The following DENND2A variants were observed in gnomAD, a reference collection of about 807,000 sequenced individuals.
DENND2A encodes the protein DENN domain containing 2A, also known as DENN domain-containing protein 2A.
DENND2A carries 53 observed loss-of-function variants against 105.3 expected under a neutral mutation model. The ratio of observed to expected loss-of-function variants is 0.50; its 90% confidence interval spans 0.40 to 0.63. The LOEUF is 0.63. DENND2A is among the 30% of genes least tolerant of loss of function. The pLI, the probability that DENND2A is intolerant of heterozygous loss-of-function variation, is 0.00. For missense variants in DENND2A, 1,138 were observed against 1,279.6 expected (o/e 0.89, Z 1.69); for synonymous variants, 522 against 508.4 (o/e 1.03, Z -0.36).
In DENND2A at chr7:140,604,114, C is replaced by T. The variant is rs540552619; in HGVS notation, c.-145-1572G>A. 1.6e-4 allele frequency among the ~76,000 whole-genome samples: 24 copies of T among 152,324 alleles called. No individual in the cohort carries two copies. The South Asian group carries it at 1.9e-3, about 12-fold the overall frequency. ...TGTGCCGACATTAGCTAACACCTCA[C>T]GGTGCCCATTTTCTGAATGTATAGA... is the stretch of plus-strand genomic sequence containing the variant. On this transcript the variant is annotated intron_variant, in intron 2 of 19. Transcript: ENST00000496613.
In DENND2A at chr7:140,553,782, C is replaced by G. The variant is rs189489718; in HGVS notation, c.2037+1854G>C. ...TAATCCATTTAACCCTGAGTGGACA[C>G]AGCACGTTTCAGAGAGCACGGCGTT... On this transcript the variant is annotated intron_variant, in intron 12 of 19. Coordinates refer to ENST00000496613, the MANE Select transcript of DENND2A (RefSeq NM_015689.5). Among the ~76,000 whole-genome samples the G allele has an allele frequency of 8.5e-5, 13 of 152,354 alleles. No individual in the cohort carries two copies. The East Asian group carries it at 2.5e-3, about 29-fold the overall frequency.
chr7:140,555,442 G>A lies in DENND2A; in HGVS notation c.2037+194C>T, dbSNP rs528469101. Among the ~76,000 whole-genome samples, 6 of 152,060 alleles carry A rather than the reference G, an allele frequency of 3.9e-5. No homozygotes were observed. The South Asian group carries it at 1.0e-3, about 26-fold the overall frequency. On this transcript the variant is annotated intron_variant, in intron 12 of 19. Coordinates refer to ENST00000496613, the MANE Select transcript of DENND2A (RefSeq NM_015689.5). ...GCATGAGCCACCCCGCCACCACACC[G>A]GGCCTATCAACTCTCATTTCCTGAA...
chr7:140,598,418 G>A (rs1216374281), intron 3 of DENND2A, among the ~76,000 whole-genome samples: 5 of 152,212 alleles, frequency 3.3e-5, no homozygotes, highest in Admixed American at 2.0e-4. Flanking sequence ...AAGACTGTAC[G>A]CTGCTTTCAG....
intron 14 of DENND2A, among the ~76,000 whole-genome samples, chr7:140,540,874 C>A (rs773005061): frequency 1.3e-5 from 2 of 152,092 alleles, no homozygotes; most frequent in African/African-American, 4.8e-5. Flanking sequence ...CACGCCACCA[C>A]GACCAGCTAA....
intron 17 of DENND2A, 64 bp from the exon 18 acceptor site, chr7:140,522,164 A>G: frequency 6.3e-7 from 1 of 1,584,010 alleles, no homozygotes; most frequent in Non-Finnish European, 8.6e-7. Context: ...AGCCCTTGAG[A>G]CAAGCCAATT....
chr7:140,529,018 C>G (rs1001325385), intron 14 of DENND2A, among the ~76,000 whole-genome samples: 2 of 151,262 alleles, frequency 1.3e-5, no homozygotes, highest in East Asian at 3.9e-4. Flanking sequence ...GGTGGGAGAA[C>G]TGCTTGAACC....
At chr7:140,582,775 G>C (rs1798595888) in intron 5 of DENND2A, among the ~76,000 whole-genome samples, 1 of 152,194 alleles carries the variant, frequency 6.6e-6, no homozygotes, top group Non-Finnish European at 1.5e-5. Context: ...GCTTTTCCTA[G>C]GCTGGAAACA....
intron 3 of DENND2A, among the ~76,000 whole-genome samples, chr7:140,595,807 A>G (rs1799261370): frequency 6.7e-6 from 1 of 150,320 alleles, no homozygotes; most frequent in Non-Finnish European, 1.5e-5. Flanking sequence ...CCTAGCGACC[A>G]TTTAAAACAT....
chr7:140,561,843 C>T (rs1032718589), intron 9 of DENND2A, among the ~76,000 whole-genome samples: 1 of 151,816 alleles, frequency 6.6e-6, no homozygotes, highest in East Asian at 1.9e-4. Flanking sequence ...TAATAATTTG[C>T]ATCAATTTCT....
chr7:140,605,331 C>T (rs915358356), intron 2 of DENND2A, among the ~76,000 whole-genome samples: 3 of 152,182 alleles, frequency 2.0e-5, no homozygotes, highest in Non-Finnish European at 2.9e-5. Flanking sequence ...GAAACAATCA[C>T]GCTGGTATTA....
At chr7:140,624,870 T>G (rs1344724150) in intron 1 of DENND2A, among the ~76,000 whole-genome samples, 1 of 147,568 alleles carries the variant, frequency 6.8e-6, no homozygotes, top group Non-Finnish European at 1.5e-5. Flanking sequence ...TTTTTTTTGT[T>G]TTTTTTTTTT....
chr7:140,527,173 A>G lies in DENND2A; in HGVS notation c.2505+145T>C, dbSNP rs1471313170. 3.5e-6 allele frequency: 3 copies of G among 847,036 alleles called. No homozygotes were observed. The highest frequency in any genetic ancestry group is 5.3e-6 in the Non-Finnish European group (3 of 569,548). The allele number at this position is 847,036 out of a possible 1,614,324, so 52.5% of individuals were successfully genotyped here. On this transcript the variant is annotated intron_variant, in intron 15 of 19. Coordinates refer to ENST00000496613, the MANE Select transcript of DENND2A (RefSeq NM_015689.5). The surrounding 1 kb of genome is among the most constrained non-coding windows in gnomAD (Gnocchi z 4.9). ...CTGAGTCAGCCTCTGGGCAGGACCC[A>G]TGCCAGACAAAGCCCTGGTGCCCCC... is the stretch of plus-strand genomic sequence containing the variant.
intron 12 of DENND2A, among the ~76,000 whole-genome samples, chr7:140,547,649 G>A (rs978681358): frequency 6.6e-6 from 1 of 152,134 alleles, no homozygotes; most frequent in African/African-American, 2.4e-5. Context: ...CCCAAAAGAA[G>A]TGAAAACATA....
intron 1 of DENND2A, among the ~76,000 whole-genome samples, chr7:140,629,312 G>A (rs1274080290): frequency 1.3e-5 from 2 of 152,192 alleles, no homozygotes; most frequent in Non-Finnish European, 2.9e-5. Flanking sequence ...CAACGAAAGG[G>A]GAGCCAGGGA....
chr7:140,529,012 G>A (rs973443269), intron 14 of DENND2A, among the ~76,000 whole-genome samples: 1 of 151,910 alleles, frequency 6.6e-6, no homozygotes, highest in African/African-American at 2.4e-5. Flanking sequence ...GGTTGAGGTG[G>A]GAGAACTGCT....
chr7:140,632,128 A>G (rs1800755149), intron 1 of DENND2A, among the ~76,000 whole-genome samples: 1 of 152,118 alleles, frequency 6.6e-6, no homozygotes, highest in East Asian at 1.9e-4. Context: ...TTTAGCCTAT[A>G]TTTACCAGGC....
intron 1 of DENND2A, among the ~76,000 whole-genome samples, chr7:140,638,699 A>G (rs975230868): frequency 3.3e-5 from 5 of 151,600 alleles, no homozygotes; most frequent in Non-Finnish European, 7.4e-5. Flanking sequence ...CCTCTCCTAG[A>G]CTCTCTTGGT....
At chr7:140,566,408 A>C (rs1387321144) in intron 9 of DENND2A, among the ~76,000 whole-genome samples, 3 of 152,168 alleles carry the variant, frequency 2.0e-5, no homozygotes, top group Non-Finnish European at 4.4e-5. Context: ...GTGAGATCCA[A>C]GAACCCTCTC....
chr7:140,568,704 C>G (rs938629601), intron 8 of DENND2A, 59 bp downstream of exon 8: 3 of 1,577,980 alleles, frequency 1.9e-6, no homozygotes, highest in Non-Finnish European at 2.6e-6. Flanking sequence ...GGAGGAGGGG[C>G]CACCTTTGCA....
Sources: gnomAD v4.1 joint callset for allele counts (sites outside exome capture counted in the v4.1 genomes callset) on GRCh38, gnomAD v4.1.1 for gene constraint, Gnocchi (gnomAD v3.1) non-coding constraint, MANE v1.5 for transcripts, NCBI Gene and HGNC (gene_info 2026-07-23, HGNC 2026-07-21) for gene names.